The following AGFG2 variants were observed in gnomAD, a reference collection of about 807,000 sequenced individuals.
AGFG2 encodes the protein arf-GAP domain and FG repeat-containing protein 2.
AGFG2 carries 31 observed loss-of-function variants against 48.0 expected under a neutral mutation model. The observed-to-expected ratio is 0.65, with a 90% CI of 0.49 to 0.87. The LOEUF (loss-of-function observed/expected upper bound fraction) is 0.87. AGFG2 is among the 40% of genes least tolerant of loss of function. AGFG2 has a pLI of 0.00. For missense variants in AGFG2, 599 were observed against 632.6 expected (o/e 0.95, Z 0.57); for synonymous variants, 229 against 260.8 (o/e 0.88, Z 1.18).
chr7:100,553,051 G>A (rs1293556022), intron 3 of AGFG2, among the ~76,000 whole-genome samples: 1 of 152,096 alleles, frequency 6.6e-6, no homozygotes, highest in Non-Finnish European at 1.5e-5. Context: ...TACTTGGGAG[G>A]CTGAGGCAGG....
At chr7:100,550,635 C>T in intron 3 of AGFG2, 124 bp downstream of exon 3, 2 of 671,512 alleles carry the variant, frequency 3.0e-6, no homozygotes, top group Admixed American at 5.7e-5. Context: ...TTCTGTTCCA[C>T]TCACATTCAG....
At chr7:100,554,364 A>C in intron 5 of AGFG2, 106 bp downstream of exon 5, 3 of 1,351,098 alleles carry the variant, frequency 2.2e-6, no homozygotes, top group Non-Finnish European at 3.0e-6. Flanking sequence ...CATGCAAACA[A>C]ATGTGAGGGT....
chr7:100,555,267 T>TC (rs1272521349), intron 5 of AGFG2, among the ~76,000 whole-genome samples: 1 of 132,596 alleles, frequency 7.5e-6, no homozygotes, highest in Non-Finnish European at 1.6e-5. Flanking sequence ...TGTGTGGTTT[T>TC]TTTTTTTTTT....
chr7:100,565,317 A>G lies in AGFG2; in HGVS notation c.*326A>G. On this transcript the variant is annotated 3_prime_UTR_variant, in exon 12 of 12. Transcript: ENST00000300176. Reference sequence around the variant, plus strand: ...AGCTCTTCCCTGGGCCTAGCTCGCCAGCGCTGTGCTCCTCATGGACGGGAG... The same window carrying G: ...AGCTCTTCCCTGGGCCTAGCTCGCCGGCGCTGTGCTCCTCATGGACGGGAG... 2 of 399,310 alleles carry G rather than the reference A, an allele frequency of 5.0e-6. No homozygotes were observed. Among genetic ancestry groups the G allele is most frequent in the Admixed American group, 4.0e-5 (1 of 25,272 alleles). 24.7% of individuals were successfully genotyped at this position (399,310 alleles called of 1,614,324 possible).
Position 100,565,143 on chromosome 7 carries a change from G to A in AGFG2, c.*152G>A. 3.4e-6 allele frequency: 3 copies of A among 875,238 alleles called. No individual in the cohort carries two copies. The highest frequency in any genetic ancestry group is 5.5e-6 in the Non-Finnish European group (3 of 541,836). The allele number at this position is 875,238 out of a possible 1,614,324, so 54.2% of individuals were successfully genotyped here. ...TGGGGCCTACAGGTGAAAGGTGGCTGCCCTCAGATTCCACAAAGCCTCTCT... is the reference window on the plus strand; with the variant it reads ...TGGGGCCTACAGGTGAAAGGTGGCTACCCTCAGATTCCACAAAGCCTCTCT... On this transcript the variant is annotated 3_prime_UTR_variant, in exon 12 of 12. Coordinates refer to ENST00000300176, the MANE Select transcript of AGFG2 (RefSeq NM_006076.5).
At chr7:100,545,171 C>G (rs1800489946) in intron 1 of AGFG2, among the ~76,000 whole-genome samples, 1 of 152,104 alleles carries the variant, frequency 6.6e-6, no homozygotes, top group Non-Finnish European at 1.5e-5. Flanking sequence ...TTTCCCAAGT[C>G]CAAATTTGGC....
chr7:100,560,808 CTT>C (rs66837050), intron 6 of AGFG2, among the ~76,000 whole-genome samples: 4 of 112,814 alleles, frequency 3.5e-5, no homozygotes, highest in Non-Finnish European at 7.1e-5. Context: ...GAAGATCTCC[CTT>C]TTTTTTTTTT....
chr7:100,566,793 C>T lies in AGFG2; in HGVS notation c.*1802C>T, dbSNP rs1197301089. On this transcript the variant is annotated 3_prime_UTR_variant, in exon 12 of 12. Coordinates refer to ENST00000300176, the MANE Select transcript of AGFG2 (RefSeq NM_006076.5). The stretch of plus-strand genomic sequence containing the variant: ...GCATGTTCCATCTCTTCTCTTTCTC[C>T]CCTCTTCGCCACCCTAGATTATCTC... 1 of 152,320 alleles carries T rather than the reference C, an allele frequency of 6.6e-6. No individual in the cohort carries two copies. The highest frequency in any genetic ancestry group is 1.9e-4 in the East Asian group (1 of 5,196). 9.4% of individuals were successfully genotyped at this position (152,320 alleles called of 1,614,324 possible).
At chr7:100,555,132 A>G (rs1800730664) in intron 5 of AGFG2, among the ~76,000 whole-genome samples, 1 of 152,036 alleles carries the variant, frequency 6.6e-6, no homozygotes, top group Admixed American at 6.6e-5. Context: ...GGCCCCACCC[A>G]TTTCCCTCTG....
Position 100,567,594 on chromosome 7 carries a change from G to T in AGFG2, c.*2603G>T, listed in dbSNP as rs181372905. On this transcript the variant is annotated 3_prime_UTR_variant, in exon 12 of 12. Coordinates refer to ENST00000300176, the MANE Select transcript of AGFG2 (RefSeq NM_006076.5). ...GGGATGGGAGCAGGGCTGAGGGTAG[G>T]GGCTGAATGTGTGGCTCTGTCCCTG... The T allele has an allele frequency of 8.3e-4, 127 of 152,746 alleles. No homozygotes were observed. The highest frequency in any genetic ancestry group is 3.8e-4 in the Non-Finnish European group (26 of 68,174). The allele number at this position is 152,746 out of a possible 1,614,324, so 9.5% of individuals were successfully genotyped here. A position where few individuals can be genotyped will look rare whatever the true frequency, so the allele number is the denominator to read the frequency against.
At chr7:100,545,115 C>T (rs1800489123) in intron 1 of AGFG2, among the ~76,000 whole-genome samples, 2 of 152,050 alleles carry the variant, frequency 1.3e-5, no homozygotes, top group South Asian at 2.1e-4. Context: ...CAAAGAAACA[C>T]GATCTGGGGT....
intron 6 of AGFG2, among the ~76,000 whole-genome samples, chr7:100,558,014 G>A (rs1800790868): frequency 6.6e-6 from 1 of 152,014 alleles, no homozygotes; most frequent in Non-Finnish European, 1.5e-5. Flanking sequence ...AGGAGTTCAA[G>A]ACCAGCCTTG....
rs566096394 is a variant in AGFG2 at position 100,562,406 on chromosome 7, T to C, written c.998+27T>C. On this transcript the variant is annotated intron_variant, in intron 7 of 11. Transcript: ENST00000300176. This position sits in a 1 kb window ranked among gnomAD's most constrained non-coding sequence, Gnocchi z 5.4. ...TAGGTACAGACAGTGGGCAGTCTGC[T>C]GTAGGGCAGGAGAGCCGCCCGAAGC... 3.1e-6 allele frequency: 5 copies of C among 1,611,704 alleles called. No homozygotes were observed. In the African/African-American group the frequency reaches 6.7e-5, roughly 21 times the overall value.
rs541418125 is a variant in AGFG2 at position 100,539,219 on chromosome 7, T to C, written c.-128T>C. ...AAGGAGGGTGGTGGACGGCGAAGTCTCCTGCGGATGCCGCCCGCTCCCGAG... is the reference window on the plus strand; with the variant it reads ...AAGGAGGGTGGTGGACGGCGAAGTCCCCTGCGGATGCCGCCCGCTCCCGAG... On this transcript the variant is annotated 5_prime_UTR_variant, in exon 1 of 12. Coordinates refer to ENST00000300176, the MANE Select transcript of AGFG2 (RefSeq NM_006076.5). The C allele has an allele frequency of 1.1e-4, 108 of 964,268 alleles. No homozygotes were observed. Among genetic ancestry groups the C allele is most frequent in the East Asian group, 8.2e-4 (25 of 30,510 alleles). 59.7% of individuals were successfully genotyped at this position (964,268 alleles called of 1,614,324 possible). A position where few individuals can be genotyped will look rare whatever the true frequency, so the allele number is the denominator to read the frequency against.
chr7:100,555,891 C>A, intron 6 of AGFG2, 156 bp downstream of exon 6: 1 of 1,037,924 alleles, frequency 9.6e-7, no homozygotes, highest in Non-Finnish European at 1.4e-6. Context: ...GTGTCTGACA[C>A]ATTCTTGTCA....
At chr7:100,563,077 C>T in intron 9 of AGFG2, 131 bp downstream of exon 9, 2 of 936,684 alleles carry the variant, frequency 2.1e-6, no homozygotes. Context: ...TTCCCCTGCC[C>T]ACACGGTGCC....
At position 100,553,436 on chromosome 7, in the gene AGFG2, C is replaced by T. The variant is rs752711148; in HGVS notation, c.521C>T (p.Pro174Leu). Residue 174 changes from proline (P) to leucine (L), a missense_variant, in exon 4 of 12, where the codon CCC becomes CTC. Coordinates refer to ENST00000300176, the MANE Select transcript of AGFG2 (RefSeq NM_006076.5). The part of the protein sequence containing the change: ...PVQGSIPEGK[P>L]LRTLLGDPAP... The stretch of plus-strand genomic sequence containing the variant: ...CAGGGCTCCATCCCAGAAGGGAAGC[C>T]CCTTCGGACACTTCTGGGTGATCCT... 7.4e-5 allele frequency: 120 copies of T among 1,614,166 alleles called. No individual in the cohort carries two copies. The highest frequency in any genetic ancestry group is 7.4e-4 in the South Asian group (67 of 91,072).
intron 1 of AGFG2, among the ~76,000 whole-genome samples, chr7:100,541,010 CAAAAAA>C (rs11353093): frequency 1.3e-5 from 1 of 75,562 alleles, no homozygotes; most frequent in African/African-American, 5.0e-5. Flanking sequence ...GACACTGTCT[CAAAAAA>C]AAAAAAAAAA....
At position 100,553,397 on chromosome 7, in the gene AGFG2, C is replaced by T. The variant is rs761653624; in HGVS notation, c.482C>T (p.Ala161Val). ...GGGCCCACTTATACCAAAGGCAGTG[C>T]CTCCACCCCTGTGCAGGGCTCCATC... Reference protein sequence around the residue: ...VKGPTYTKGSASTPVQGSIPE... With the variant: ...VKGPTYTKGSVSTPVQGSIPE... The change falls in exon 4 of 12, where the codon GCC (alanine) becomes GTC (valine). Residue 161 changes from alanine to valine, a missense_variant. Coordinates refer to ENST00000300176, the MANE Select transcript of AGFG2 (RefSeq NM_006076.5). 1 of 1,614,212 alleles carries T rather than the reference C, an allele frequency of 6.2e-7. No individual in the cohort carries two copies. The highest frequency in any genetic ancestry group is 8.5e-7 in the Non-Finnish European group (1 of 1,180,030).
Sources: gnomAD v4.1 joint callset for allele counts (sites outside exome capture counted in the v4.1 genomes callset) on GRCh38, gnomAD v4.1.1 for gene constraint, Gnocchi (gnomAD v3.1) non-coding constraint, MANE v1.5 for transcripts, NCBI Gene and HGNC (gene_info 2026-07-23, HGNC 2026-07-21) for gene names.